Variants in NALCN observed in about 807,000 individuals in gnomAD.
The protein encoded by NALCN is sodium leak channel, non-selective.
Under a neutral mutation model 225.3 loss-of-function variants are expected in NALCN, and 111 were observed. That is an observed-to-expected ratio of 0.49 (90% CI 0.42 to 0.58). The LOEUF (loss-of-function observed/expected upper bound fraction) is 0.58, where lower values mean the gene tolerates loss of function less well. Ranked by LOEUF, NALCN falls within the 20% of genes least tolerant of loss-of-function variation. NALCN has a pLI of 0.00. For synonymous variants in NALCN, 764 were observed against 769.0 expected (o/e 0.99, Z 0.11); for missense variants, 1,378 against 2,202.4 (o/e 0.63, Z 7.49).
chr13:101,283,897 T>C, intron 10 of NALCN, 36 bp downstream of exon 10: 1 of 1,549,772 alleles, frequency 6.5e-7, no homozygotes, highest in Non-Finnish European at 8.7e-7. Flanking sequence ...CAAAGACCTT[T>C]GCTGGGCGAT....
At chr13:101,315,112 C>T (rs768640068) in intron 7 of NALCN, among the ~76,000 whole-genome samples, 1 of 151,972 alleles carries the variant, frequency 6.6e-6, no homozygotes, top group African/African-American at 2.4e-5. Context: ...ATTTAATTAC[C>T]AGTAAATTAA....
intron 6 of NALCN, among the ~76,000 whole-genome samples, chr13:101,356,400 A>G (rs9557624): frequency 0.34 from 51,852 of 152,054 alleles, 8,944 homozygotes; most frequent in Admixed American, 0.42. Flanking sequence ...ACAAAATACC[A>G]TCAGAATACT....
At chr13:101,110,796 A>G in intron 19 of NALCN, 108 bp from the exon 20 acceptor site, 2 of 1,077,162 alleles carry the variant, frequency 1.9e-6, no homozygotes, top group Non-Finnish European at 1.4e-6. Flanking sequence ...ACAACGCCAC[A>G]AATGCCTATG....
At chr13:101,414,042 C>CGA in intron 1 of NALCN, among the ~76,000 whole-genome samples, 1 of 150,480 alleles carries the variant, frequency 6.6e-6, no homozygotes, top group African/African-American at 2.4e-5. Flanking sequence ...TACACCACTA[C>CGA]ACTTGGTGAA....
chr13:101,228,506 A>G (rs564792524), intron 13 of NALCN, among the ~76,000 whole-genome samples: 95 of 152,048 alleles, frequency 6.2e-4, no homozygotes, highest in Non-Finnish European at 1.1e-3. Flanking sequence ...GGTAGTGAAT[A>G]AGTCTCACGA....
At chr13:101,060,273 C>T (rs866831256) in intron 41 of NALCN, among the ~76,000 whole-genome samples, 53 of 49,266 alleles carry the variant, frequency 1.1e-3, no homozygotes, top group African/African-American at 2.4e-3. Flanking sequence ...TTGGTGTTTT[C>T]TGTTTTTTTT....
chr13:101,208,162 C>T (rs1466282870), intron 13 of NALCN, among the ~76,000 whole-genome samples: 2 of 152,188 alleles, frequency 1.3e-5, no homozygotes, highest in Non-Finnish European at 2.9e-5. Flanking sequence ...TGCAGCTTCA[C>T]TCCTGAAGCC....
At chr13:101,114,952 C>G (rs2035635423) in intron 18 of NALCN, among the ~76,000 whole-genome samples, 1 of 152,104 alleles carries the variant, frequency 6.6e-6, no homozygotes, top group Non-Finnish European at 1.5e-5. Context: ...TGCCATGCTC[C>G]AAAGAGCTCT....
chr13:101,208,369 G>A lies in NALCN; in HGVS notation c.1627-16315C>T, dbSNP rs145289813. On this transcript the variant is annotated intron_variant, in intron 13 of 43. Transcript: ENST00000251127. ...CAAATATCAGAAGGAACAAACTCTA[G>A]ACACACCATCTTTAAGAACTGTAAC... Among the ~76,000 whole-genome samples the A allele has an allele frequency of 3.9e-3, 588 of 151,914 alleles. 5 individuals are homozygous for A. The highest frequency in any genetic ancestry group is 7.2e-3 in the Non-Finnish European group (486 of 67,922).
At chr13:101,210,793 C>G (rs1225829817) in intron 13 of NALCN, among the ~76,000 whole-genome samples, 1 of 152,134 alleles carries the variant, frequency 6.6e-6, no homozygotes, top group Non-Finnish European at 1.5e-5. Context: ...TGCCTGTTTA[C>G]ATGGCAGGCG....
Position 101,395,235 on chromosome 13 carries a change from A to G in NALCN, c.239T>C (p.Phe80Ser). The part of the protein sequence containing the change: ...VTFTLDTLLM[F>S]LYTAEMIAKM... ...TGCTATCATCTCTGCCGTGTAGAGA[A>G]ACATCAATAATGTATCCAAAGTGAA... The change falls in exon 3 of 44, where the codon TTT becomes TCT. Residue 80 changes from phenylalanine (F) to serine (S), a missense_variant. This residue lies in a region of NALCN where 146 missense variants were observed against 205.9 expected (regional missense o/e 0.71). Transcript: ENST00000251127. The G allele has an allele frequency of 2.5e-6, 4 of 1,614,022 alleles. No homozygotes were observed. The highest frequency in any genetic ancestry group is 3.4e-6 in the Non-Finnish European group (4 of 1,179,928).
rs545121499 is a variant in NALCN at position 101,263,194 on chromosome 13, G to A, written c.1135-4620C>T. 3.9e-5 allele frequency among the ~76,000 whole-genome samples: 6 copies of A among 152,210 alleles called. No individual in the cohort carries two copies. The South Asian group carries it at 6.2e-4, about 16-fold the overall frequency. On this transcript the variant is annotated intron_variant, in intron 10 of 43. Coordinates refer to ENST00000251127, the MANE Select transcript of NALCN (RefSeq NM_052867.4). ...TCACCGTGGCTATTGATGCATATCC[G>A]TTTCCCTTTGACTTTATTTTACAGG...
intron 14 of NALCN, among the ~76,000 whole-genome samples, chr13:101,181,991 G>A (rs865785154): frequency 2.6e-5 from 4 of 151,936 alleles, no homozygotes; most frequent in Middle Eastern, 3.5e-3. Context: ...AAAATTAGCC[G>A]GGCGTGGTGG....
At chr13:101,296,049 G>T (rs993705537) in intron 7 of NALCN, among the ~76,000 whole-genome samples, 11 of 152,132 alleles carry the variant, frequency 7.2e-5, no homozygotes, top group African/African-American at 2.7e-4. Context: ...TGGCCCTCTT[G>T]ACAGACTCCT....
chr13:101,190,009 C>T (rs1254120020), intron 14 of NALCN, among the ~76,000 whole-genome samples: 2 of 152,010 alleles, frequency 1.3e-5, no homozygotes, highest in African/African-American at 4.8e-5. Context: ...GGCTATATAC[C>T]AGTTTTAATA....
rs371669594 is a variant in NALCN, at chr13:101,062,144, C to T, written c.4605-26G>A. ...CTGGTGGGAGAAACACACCTGCAATCGCAGCTCTGATTCACCTGAGATTTA... is the reference window on the plus strand; with the variant it reads ...CTGGTGGGAGAAACACACCTGCAATTGCAGCTCTGATTCACCTGAGATTTA... On this transcript the variant is annotated intron_variant, in intron 40 of 43. Transcript: ENST00000251127. The T allele has an allele frequency of 2.5e-4, 395 of 1,611,478 alleles. 1 individual carries two copies. The highest frequency in any genetic ancestry group is 2.6e-4 in the Non-Finnish European group (307 of 1,178,882).
Position 101,186,002 on chromosome 13 carries a change from A to G in NALCN, c.1764+5915T>C, listed in dbSNP as rs149696916. ...CATTTTAAGGTAAGTTCAGCTCTGA[A>G]GACAGGCTTATGGAATATTTTAACT... On this transcript the variant is annotated intron_variant, in intron 14 of 43. Transcript: ENST00000251127. Among the ~76,000 whole-genome samples, 18 of 152,360 alleles carry G rather than the reference A, an allele frequency of 1.2e-4. No homozygotes were observed. In the East Asian group the frequency reaches 3.5e-3, roughly 29 times the overall value.
intron 13 of NALCN, among the ~76,000 whole-genome samples, chr13:101,198,126 A>T (rs1415608173): frequency 6.6e-6 from 1 of 152,302 alleles, no homozygotes; most frequent in South Asian, 2.1e-4. Flanking sequence ...GAGGAATCTT[A>T]TGCAAAAATT....
chr13:101,290,240 T>C (rs1274415444), intron 9 of NALCN, among the ~76,000 whole-genome samples: 1 of 152,238 alleles, frequency 6.6e-6, no homozygotes, highest in Non-Finnish European at 1.5e-5. Context: ...AACACTATTT[T>C]TTCCAGCTGT....
Sources: gnomAD v4.1 joint callset for allele counts (sites outside exome capture counted in the v4.1 genomes callset) on GRCh38, gnomAD v4.1.1 for gene constraint, gnomAD v4.1.1 regional missense constraint, MANE v1.5 for transcripts, NCBI Gene and HGNC (gene_info 2026-07-23, HGNC 2026-07-21) for gene names.